The following FBXO11 variants were observed in gnomAD, a reference collection of about 807,000 sequenced individuals.
FBXO11 encodes the protein F-box only protein 11.
In FBXO11, 13 loss-of-function variants were observed where a neutral mutation model predicts 117.0. The observed-to-expected ratio is 0.11, with a 90% CI of 0.07 to 0.18. The LOEUF (loss-of-function observed/expected upper bound fraction) is 0.18. Ranked by LOEUF, FBXO11 falls within the 10% of genes least tolerant of loss-of-function variation. The pLI is 1.00. For synonymous variants in FBXO11, 490 were observed against 380.5 expected (o/e 1.29, Z -3.35); for missense variants, 767 against 1,164.4 (o/e 0.66, Z 4.97).
At chr2:47,851,296 G>C (rs565893917) in intron 1 of FBXO11, among the ~76,000 whole-genome samples, 2 of 151,446 alleles carry the variant, frequency 1.3e-5, no homozygotes, top group Non-Finnish European at 1.5e-5. Flanking sequence ...GTGTGATCTC[G>C]GCTTACCACA....
At chr2:47,876,654 T>C (rs1676028427) in intron 1 of FBXO11, among the ~76,000 whole-genome samples, 1 of 152,138 alleles carries the variant, frequency 6.6e-6, no homozygotes, top group Admixed American at 6.6e-5. Flanking sequence ...CTGTGGCATT[T>C]TTCATTTTGA....
intron 11 of FBXO11, among the ~76,000 whole-genome samples, chr2:47,825,952 A>G (rs1000291383): frequency 6.6e-6 from 1 of 152,186 alleles, no homozygotes. Flanking sequence ...TACAGTAAAA[A>G]AAAATTGATA....
rs553955609 is a variant in FBXO11 at position 47,870,623 on chromosome 2, G to A, written c.233-30854C>T. Among the ~76,000 whole-genome samples, 23 of 152,322 alleles carry A rather than the reference G, an allele frequency of 1.5e-4. 1 individual carries two copies. The highest frequency in any genetic ancestry group is 5.5e-4 in the African/African-American group (23 of 41,590). On this transcript the variant is annotated intron_variant, in intron 1 of 22. Transcript: ENST00000403359. ...CATAATCTACAAATAGGCAAGGAAA[G>A]ATTCTACCCAGATTCTCAAAGAATC...
Position 47,905,551 on chromosome 2 carries a change from G to C in FBXO11, c.170C>G (p.Pro57Arg). ...CGGAGGCGGCGGTGGCGGCGGCGGA[G>C]GCTGCTGCTGCTGCTGCTGCTGCGG... ...PPPQQQQQQQ[P>R]PPPPPPPPPL... Residue 57 changes from proline (P) to arginine (R), a missense_variant, in exon 1 of 23, where the codon CCT becomes CGT. Pro to Arg is a moderately radical substitution (Grantham distance 103). Transcript: ENST00000403359. 1 of 1,239,712 alleles carries C rather than the reference G, an allele frequency of 8.1e-7. No homozygotes were observed. The highest frequency in any genetic ancestry group is 3.4e-5 in the East Asian group (1 of 29,734). 76.8% of individuals were successfully genotyped at this position (1,239,712 alleles called of 1,614,324 possible).
intron 1 of FBXO11, among the ~76,000 whole-genome samples, chr2:47,868,989 A>G (rs1207329685): frequency 1.3e-5 from 2 of 152,248 alleles, no homozygotes; most frequent in African/African-American, 4.8e-5. Context: ...CTGGCTTCAC[A>G]GAACAAAGAA....
At chr2:47,839,885 G>A in intron 1 of FBXO11, 116 bp from the exon 2 acceptor site, 2 of 822,778 alleles carry the variant, frequency 2.4e-6, no homozygotes, top group South Asian at 3.9e-5. Flanking sequence ...AGTTTTATAT[G>A]AAATTCCAAC....
chr2:47,850,286 G>A (rs184439613), intron 1 of FBXO11, among the ~76,000 whole-genome samples: 1 of 152,072 alleles, frequency 6.6e-6, no homozygotes, highest in Non-Finnish European at 1.5e-5. Context: ...ATGAGTTAAG[G>A]GTTTCAATTT....
At chr2:47,900,637 TACGTATATACACACGTATACACACAC>T (rs1558486594) in intron 1 of FBXO11, among the ~76,000 whole-genome samples, 2 of 27,642 alleles carry the variant, frequency 7.2e-5, no homozygotes, top group African/African-American at 1.3e-4. Context: ...TACACACACG[TACGTATATACACACGTATACACACAC>T]GTACGTATAT....
At chr2:47,890,717 C>G (rs1254816118) in intron 1 of FBXO11, among the ~76,000 whole-genome samples, 1 of 151,894 alleles carries the variant, frequency 6.6e-6, no homozygotes, top group Non-Finnish European at 1.5e-5. Flanking sequence ...AGGCAGGAGA[C>G]TTCTTGAACT....
chr2:47,810,461 GCAT>G (rs1288025212), intron 18 of FBXO11, 35 bp from the exon 19 acceptor site: 4 of 1,331,174 alleles, frequency 3.0e-6, no homozygotes, highest in African/African-American at 1.5e-5. Context: ...TAAGGCTAAT[GCAT>G]ATAACAGACT....
intron 11 of FBXO11, among the ~76,000 whole-genome samples, chr2:47,831,625 T>C (rs1362026174): frequency 6.6e-6 from 1 of 151,966 alleles, no homozygotes; most frequent in Admixed American, 6.6e-5. Flanking sequence ...TATTAGGACT[T>C]GAAAATTACC....
intron 7 of FBXO11, 101 bp downstream of exon 7, chr2:47,834,478 G>T: frequency 1.2e-6 from 1 of 823,784 alleles, no homozygotes; most frequent in Non-Finnish European, 1.8e-6. Flanking sequence ...TTTACCAGCA[G>T]GATATTATAA....
At chr2:47,842,172 T>C (rs983286009) in intron 1 of FBXO11, among the ~76,000 whole-genome samples, 19 of 151,264 alleles carry the variant, frequency 1.3e-4, no homozygotes, top group African/African-American at 4.4e-4. Context: ...CACGCCACTA[T>C]GGCCAGCTAA....
At chr2:47,856,718 T>C (rs1044546580) in intron 1 of FBXO11, among the ~76,000 whole-genome samples, 4 of 152,248 alleles carry the variant, frequency 2.6e-5, no homozygotes, top group Admixed American at 6.5e-5. Flanking sequence ...ACATTTACTT[T>C]TTAACTTCAA....
chr2:47,881,893 G>A (rs1351946728), intron 1 of FBXO11, among the ~76,000 whole-genome samples: 3 of 152,020 alleles, frequency 2.0e-5, no homozygotes, highest in Non-Finnish European at 2.9e-5. Context: ...GACTACAGGT[G>A]TGCACCACCA....
intron 1 of FBXO11, among the ~76,000 whole-genome samples, chr2:47,849,431 A>T (rs1673673633): frequency 6.6e-6 from 1 of 152,202 alleles, no homozygotes; most frequent in African/African-American, 2.4e-5. Context: ...CCACCACAGG[A>T]TCATTATACT....
chr2:47,905,253 A>C, intron 1 of FBXO11: 1 of 275,972 alleles, frequency 3.6e-6, no homozygotes, highest in East Asian at 8.1e-5. Flanking sequence ...CCCCGAAACC[A>C]AACAAAGCGC....
chr2:47,835,470 G>T (rs1470860709), intron 5 of FBXO11, among the ~76,000 whole-genome samples: 1 of 152,016 alleles, frequency 6.6e-6, no homozygotes, highest in East Asian at 1.9e-4. Context: ...TATTCTGTTG[G>T]TTGATAAATG....
intron 1 of FBXO11, among the ~76,000 whole-genome samples, chr2:47,868,883 C>T (rs1675399530): frequency 6.6e-6 from 1 of 152,208 alleles, no homozygotes; most frequent in Non-Finnish European, 1.5e-5. Context: ...CATTTGTTCT[C>T]ACTGGCATAG....
Sources: gnomAD v4.1 joint callset for allele counts (sites outside exome capture counted in the v4.1 genomes callset) on GRCh38, gnomAD v4.1.1 for gene constraint, MANE v1.5 for transcripts, NCBI Gene and HGNC (gene_info 2026-07-23, HGNC 2026-07-21) for gene names.